Variants in CAPNS1 observed in about 807,000 individuals in gnomAD.
CAPNS1 encodes CANP small subunit.
CAPNS1 carries 32 observed loss-of-function variants against 39.2 expected under a neutral mutation model. The ratio of observed to expected loss-of-function variants is 0.82; its 90% CI spans 0.62 to 1.10. CAPNS1 has a LOEUF of 1.10. CAPNS1 is among the 50% of genes least tolerant of loss of function. The pLI is 0.00. For synonymous variants in CAPNS1, 153 were observed against 136.2 expected (o/e 1.12, Z -0.86); for missense variants, 353 against 373.1 (o/e 0.95, Z 0.44).
chr19:36,145,775 G>A (rs774331525), intron 6 of CAPNS1, 31 bp from the exon 7 acceptor site: 1 of 1,596,992 alleles, frequency 6.3e-7, no homozygotes, highest in Non-Finnish European at 8.6e-7. Flanking sequence ...TCTGGGTGTA[G>A]CTGTCACTCT....
chr19:36,143,709 A>C (rs1028068752), intron 6 of CAPNS1, among the ~76,000 whole-genome samples: 4 of 150,014 alleles, frequency 2.7e-5, no homozygotes, highest in African/African-American at 9.8e-5. Context: ...AAAAAAAAAA[A>C]AAAATTAGCC....
rs769782060 is a variant in CAPNS1, at chr19:36,142,291, T to G, written c.210-9T>G. ...CTGGCACTAACCCCTCCCCCTTATCTCTTCGCAGCGAGGCGGCTGCGCAGT... is the reference window on the plus strand; with the variant it reads ...CTGGCACTAACCCCTCCCCCTTATCGCTTCGCAGCGAGGCGGCTGCGCAGT... On this transcript the variant is annotated splice_polypyrimidine_tract_variant and intron_variant, in intron 2 of 10. Transcript: ENST00000246533. 2.1e-5 allele frequency: 34 copies of G among 1,587,712 alleles called. No individual in the cohort carries two copies. Among genetic ancestry groups the G allele is most frequent in the Middle Eastern group, 3.3e-4 (2 of 6,016 alleles).
intron 6 of CAPNS1, 27 bp downstream of exon 6, chr19:36,143,155 G>T (rs377244094): frequency 1.2e-4 from 194 of 1,606,238 alleles, no homozygotes; most frequent in Non-Finnish European, 1.6e-4. Flanking sequence ...TGTGGGAGAG[G>T]CCCTGGGTGG....
intron 2 of CAPNS1, chr19:36,141,469 A>G (rs1974371838): frequency 3.1e-6 from 4 of 1,277,896 alleles, no homozygotes; most frequent in Non-Finnish European, 2.0e-6. Flanking sequence ...GACCAGGACA[A>G]TGTGGTCCTG....
In CAPNS1 at chr19:36,146,323, A is replaced by G. The variant is rs766388985; in HGVS notation, c.721+11A>G. 1.0e-5 allele frequency: 16 copies of G among 1,573,438 alleles called. No homozygotes were observed. Among genetic ancestry groups the G allele is most frequent in the Non-Finnish European group, 1.2e-5 (14 of 1,143,206 alleles). ...TGGACGCCATGTTCCGTGAGTGACA[A>G]CCCAGCTGTCTTCCTGGGTGGGGAT... is the stretch of plus-strand genomic sequence containing the variant. On this transcript the variant is annotated intron_variant, in intron 9 of 10. Transcript: ENST00000246533.
chr19:36,141,866 C>T (rs1399180800), intron 2 of CAPNS1, among the ~76,000 whole-genome samples: 1 of 151,984 alleles, frequency 6.6e-6, no homozygotes, highest in Non-Finnish European at 1.5e-5. Flanking sequence ...ATTTAGGAAG[C>T]GGGCCATGGA....
chr19:36,140,845 C>G lies in CAPNS1; in HGVS notation c.-15-152C>G, dbSNP rs1974330480. ...GCAAACCTGATCCCCCATACCTGCCCCACCCATCCGCGGACAACCCGCCCT... is the reference window on the plus strand; with the variant it reads ...GCAAACCTGATCCCCCATACCTGCCGCACCCATCCGCGGACAACCCGCCCT... On this transcript the variant is annotated intron_variant, in intron 1 of 10. Coordinates refer to ENST00000246533, the MANE Select transcript of CAPNS1 (RefSeq NM_001749.4). 3.4e-6 allele frequency: 4 copies of G among 1,188,732 alleles called. No individual in the cohort carries two copies. In the African/African-American group the frequency reaches 6.4e-5, roughly 19 times the overall value. The allele number at this position is 1,188,732 out of a possible 1,614,324, so 73.6% of individuals were successfully genotyped here.
intron 2 of CAPNS1, 24 bp from the exon 3 acceptor site, chr19:36,142,276 C>T (rs1222241576): frequency 8.3e-6 from 13 of 1,569,564 alleles, no homozygotes; most frequent in Non-Finnish European, 9.6e-6. Flanking sequence ...CTGGCACTAA[C>T]CCCTCCCCCT....
intron 6 of CAPNS1, among the ~76,000 whole-genome samples, chr19:36,144,390 T>C (rs571847259): frequency 6.6e-6 from 1 of 151,888 alleles, no homozygotes; most frequent in Non-Finnish European, 1.5e-5. Flanking sequence ...GAACCCACGT[T>C]TATAACAGCC....
At chr19:36,142,864 AC>A in intron 4 of CAPNS1, 44 bp from the exon 5 acceptor site, 5 of 1,608,860 alleles carry the variant, frequency 3.1e-6, no homozygotes, top group South Asian at 1.1e-5. Context: ...ACATTCTCAG[AC>A]CCCTTTCAGT....
Position 36,145,980 on chromosome 19 carries a change from T to C in CAPNS1, c.530T>C (p.Ile177Thr), listed in dbSNP as rs1974549952. 1 of 1,614,180 alleles carries C rather than the reference T, an allele frequency of 6.2e-7. No individual in the cohort carries two copies. Among genetic ancestry groups the C allele is most frequent in the Non-Finnish European group, 8.5e-7 (1 of 1,180,016 alleles). ...LWNNIKRWQA[I>T]YKQFDTDRSG... The stretch of plus-strand genomic sequence containing the variant: ...CCAATGTCTCTGTCCTCACAGGCCA[T>C]ATACAAACAGTTCGACACTGACCGA... Residue 177 changes from isoleucine (I) to threonine (T), a missense_variant, in exon 8 of 11, where the codon ATA becomes ACA. Ile to Thr is a moderately conservative substitution (Grantham distance 89, BLOSUM62 -1). Transcript: ENST00000246533.
At chr19:36,145,714 T>C (rs1983452318) in intron 6 of CAPNS1, 92 bp from the exon 7 acceptor site, 2 of 1,100,686 alleles carry the variant, frequency 1.8e-6, no homozygotes, top group Admixed American at 3.9e-5. Context: ...CAGCCCTGGC[T>C]GCCCTGCTTG....
At position 36,141,006 on chromosome 19, in the gene CAPNS1, G is replaced by T; in HGVS notation, c.-6G>T. 5.0e-6 allele frequency: 8 copies of T among 1,593,818 alleles called. No homozygotes were observed. Among genetic ancestry groups the T allele is most frequent in the Non-Finnish European group, 6.8e-6 (8 of 1,170,788 alleles). On this transcript the variant is annotated 5_prime_UTR_variant, in exon 2 of 11. Coordinates refer to ENST00000246533, the MANE Select transcript of CAPNS1 (RefSeq NM_001749.4). ...CCTTTTTTCCCCCCAGCAGTGAGTC[G>T]CAGCCATGTTCCTGGTTAACTCGTT...
chr19:36,142,189 A>T (rs1974397245), intron 2 of CAPNS1, 111 bp from the exon 3 acceptor site: 1 of 787,230 alleles, frequency 1.3e-6, no homozygotes, highest in African/African-American at 1.7e-5. Flanking sequence ...ACAGCAACCA[A>T]GTAAGGAAGA....
chr19:36,145,584 C>T (rs1195551007), intron 6 of CAPNS1: 2 of 522,400 alleles, frequency 3.8e-6, no homozygotes, highest in Admixed American at 3.4e-5. Context: ...TATAATTCCT[C>T]ATGGTTATGT....
Position 36,146,325 on chromosome 19 carries a change from C to T in CAPNS1, c.721+13C>T. 6.4e-7 allele frequency: 1 copy of T among 1,563,842 alleles called. No individual in the cohort carries two copies. The highest frequency in any genetic ancestry group is 8.8e-7 in the Non-Finnish European group (1 of 1,134,570). ...GACGCCATGTTCCGTGAGTGACAAC[C>T]CAGCTGTCTTCCTGGGTGGGGATTC... On this transcript the variant is annotated intron_variant, in intron 9 of 10. Transcript: ENST00000246533.
intron 9 of CAPNS1, among the ~76,000 whole-genome samples, chr19:36,148,824 G>A (rs1470076325): frequency 6.6e-6 from 1 of 151,162 alleles, no homozygotes; most frequent in African/African-American, 2.4e-5. Flanking sequence ...AAAAAAAAAA[G>A]AAAGAAAGGC....
At chr19:36,141,731 G>A (rs1974382387) in intron 2 of CAPNS1, 1 of 473,082 alleles carries the variant, frequency 2.1e-6, no homozygotes, top group African/African-American at 2.1e-5. Flanking sequence ...GAACTGGCTG[G>A]ATTAATGGAG....
Position 36,146,026 on chromosome 19 carries a change from T to C in CAPNS1, c.576T>C (p.Ser192=). 1 of 1,614,172 alleles carries C rather than the reference T, an allele frequency of 6.2e-7. No individual in the cohort carries two copies. The highest frequency in any genetic ancestry group is 1.1e-5 in the South Asian group (1 of 91,068). Residue 192 remains serine (S), a synonymous_variant, in exon 8 of 11, where the codon AGT becomes AGC. Coordinates refer to ENST00000246533, the MANE Select transcript of CAPNS1 (RefSeq NM_001749.4). ...DTDRSGTICS[S]ELPGAFEAAG... ...ACCGATCAGGGACCATTTGCAGTAGTGAACTCCCAGGTGCCTTTGAGGCAG... is the reference window on the plus strand; with the variant it reads ...ACCGATCAGGGACCATTTGCAGTAGCGAACTCCCAGGTGCCTTTGAGGCAG...
Sources: gnomAD v4.1 joint callset for allele counts (sites outside exome capture counted in the v4.1 genomes callset) on GRCh38, gnomAD v4.1.1 for gene constraint, MANE v1.5 for transcripts, NCBI Gene and HGNC (gene_info 2026-07-23, HGNC 2026-07-21) for gene names.